DNMT3B: variants seen among roughly 807,000 people sequenced by gnomAD.
DNMT3B encodes DNA methyltransferase 3 beta, also known as DNA (cytosine-5)-methyltransferase 3B.
Under a neutral mutation model 120.2 loss-of-function variants are expected in DNMT3B, and 37 were observed. That is an observed-to-expected ratio of 0.31 (90% CI 0.24 to 0.40). DNMT3B has a LOEUF of 0.40. Among genes scored for constraint, DNMT3B ranks in the 10% least tolerant of loss-of-function variants. The pLI, the probability that DNMT3B is intolerant of heterozygous loss-of-function variation, is 1.00. For synonymous variants in DNMT3B, 412 were observed against 442.8 expected (o/e 0.93, Z 0.87); for missense variants, 878 against 1,137.3 (o/e 0.77, Z 3.28).
In DNMT3B at chr20:32,768,192, ATT is replaced by A. The variant is rs34062797; in HGVS notation, c.-7+5511_-7+5512del. On this transcript the variant is annotated intron_variant, in intron 1 of 22. Transcript: ENST00000328111. The stretch of plus-strand genomic sequence containing the variant: ...GAGCCACCAGGCTTGGCTAATTTTA[ATT>A]TTTTTTTTTTTTTTTTTGGAGATGG... 2.4e-3 allele frequency among the ~76,000 whole-genome samples: 303 copies of A among 128,628 alleles called. 1 individual carries two copies. Among genetic ancestry groups the A allele is most frequent in the African/African-American group, 4.8e-3 (161 of 33,402 alleles). The allele number at this position is 128,628 out of a possible 152,430, so 84.4% of individuals were successfully genotyped here.
chr20:32,799,863 T>C (rs995942783), intron 16 of DNMT3B, among the ~76,000 whole-genome samples: 1 of 152,266 alleles, frequency 6.6e-6, no homozygotes, highest in Non-Finnish European at 1.5e-5. Context: ...TGTTACACTT[T>C]ATTTTTTATG....
At chr20:32,801,589 A>G (rs559620498) in intron 19 of DNMT3B, among the ~76,000 whole-genome samples, 163 bp downstream of exon 19, 11 of 152,186 alleles carry the variant, frequency 7.2e-5, no homozygotes, top group African/African-American at 2.6e-4. Context: ...TAGTACATGG[A>G]AAATATTTTT....
chr20:32,762,550 G>T lies in DNMT3B; in HGVS notation c.-156G>T. On this transcript the variant is annotated 5_prime_UTR_variant, in exon 1 of 23. Coordinates refer to ENST00000328111, the MANE Select transcript of DNMT3B (RefSeq NM_006892.4). ...CAACGCTGCCCGGCCGGCAGCGCTG[G>T]GGTTAAGTGGCCCAAGTAAACCTAG... 1 of 351,888 alleles carries T rather than the reference G, an allele frequency of 2.8e-6. No homozygotes were observed. The highest frequency in any genetic ancestry group is 1.3e-4 in the East Asian group (1 of 7,904). The allele number at this position is 351,888 out of a possible 1,614,324, so 21.8% of individuals were successfully genotyped here.
In DNMT3B at chr20:32,799,286, C is replaced by T. The variant is rs764722946; in HGVS notation, c.1717C>T (p.Arg573Trp). The T allele has an allele frequency of 1.9e-5, 31 of 1,613,378 alleles. No individual in the cohort carries two copies. In the Admixed American group the frequency reaches 3.0e-4, roughly 16 times the overall value. Residue 573 changes from arginine (R) to tryptophan (W), a missense_variant, in exon 16 of 23, where the codon CGG (arginine) becomes TGG (tryptophan). Physicochemically the swap from Arg to Trp is moderately radical, Grantham distance 101. Coordinates refer to ENST00000328111, the MANE Select transcript of DNMT3B (RefSeq NM_006892.4). ...CCCTGCCATTCCCGCAGCCCGAAGG[C>T]GGCCCATTCGAGTCCTGTCATTGTT... The part of the protein sequence containing the change: ...LYPAIPAARR[R>W]PIRVLSLFDG...
intron 1 of DNMT3B, among the ~76,000 whole-genome samples, chr20:32,770,043 TCCCACTGCAGCC>T (rs918782232): frequency 1.3e-5 from 2 of 152,230 alleles, no homozygotes; most frequent in African/African-American, 4.8e-5. Context: ...CCAGCAGTCC[TCCCACTGCAGCC>T]CCCACTGCCC....
At chr20:32,782,517 C>G (rs560285944) in intron 3 of DNMT3B, among the ~76,000 whole-genome samples, 1 of 152,266 alleles carries the variant, frequency 6.6e-6, no homozygotes, top group African/African-American at 2.4e-5. Context: ...CTAATAGAAC[C>G]TACCTTCATA....
chr20:32,805,522 G>T, intron 21 of DNMT3B, 115 bp downstream of exon 21: 1 of 1,172,488 alleles, frequency 8.5e-7, no homozygotes, highest in South Asian at 1.3e-5. Context: ...TGACTTCCTG[G>T]TGTTGGGCTT....
intron 8 of DNMT3B, 51 bp downstream of exon 8, chr20:32,791,759 C>A (rs767108395): frequency 6.3e-7 from 1 of 1,595,748 alleles, no homozygotes; most frequent in South Asian, 1.1e-5. Flanking sequence ...AGGGATGAAG[C>A]AAGAGACCCA....
At chr20:32,773,704 C>T (rs1005748117) in intron 1 of DNMT3B, among the ~76,000 whole-genome samples, 5 of 151,376 alleles carry the variant, frequency 3.3e-5, no homozygotes, top group African/African-American at 9.7e-5. Context: ...CCTCAACTTC[C>T]GAGGCTTAGG....
At chr20:32,795,585 A>G (rs749501189) in intron 11 of DNMT3B, 51 bp downstream of exon 11, 18 of 1,614,098 alleles carry the variant, frequency 1.1e-5, no homozygotes, top group Non-Finnish European at 2.5e-6. Context: ...AGGACGCTGC[A>G]GATCAGGAAT....
At chr20:32,775,031 T>A (rs1042009861) in intron 1 of DNMT3B, among the ~76,000 whole-genome samples, 1 of 152,016 alleles carries the variant, frequency 6.6e-6, no homozygotes, top group Non-Finnish European at 1.5e-5. Context: ...CTAATTTTTT[T>A]ATTTTTAGTA....
chr20:32,791,456 A>G lies in DNMT3B; in HGVS notation c.814-145A>G, dbSNP rs1398911603. 5.1e-6 allele frequency: 4 copies of G among 782,956 alleles called. No homozygotes were observed. In the African/African-American group the frequency reaches 5.2e-5, roughly 10 times the overall value. 48.5% of individuals were successfully genotyped at this position (782,956 alleles called of 1,614,324 possible). ...TGCTTTTTTCTTTCCTTCCTTTCAA[A>G]TAGATGTCTGTGGACTTTATCCCCA... is the stretch of plus-strand genomic sequence containing the variant. On this transcript the variant is annotated intron_variant, in intron 7 of 22. Transcript: ENST00000328111.
chr20:32,778,488 G>A (rs1224265667), intron 1 of DNMT3B, among the ~76,000 whole-genome samples: 1 of 152,212 alleles, frequency 6.6e-6, no homozygotes, highest in African/African-American at 2.4e-5. Flanking sequence ...TGTAGCCTGC[G>A]TGGCTCCTGG....
chr20:32,788,113 T>C (rs1979543781), intron 6 of DNMT3B, among the ~76,000 whole-genome samples: 1 of 152,224 alleles, frequency 6.6e-6, no homozygotes, highest in South Asian at 2.1e-4. Context: ...ATTCTTCAGT[T>C]ACTTCAGGCC....
chr20:32,806,720 C>G (rs138699990), intron 22 of DNMT3B, among the ~76,000 whole-genome samples: 195 of 152,328 alleles, frequency 1.3e-3, no homozygotes, highest in African/African-American at 4.2e-3. Flanking sequence ...TTATCCTCTC[C>G]TTCCCTTTCT....
Position 32,798,460 on chromosome 20 carries a change from G to A in DNMT3B, c.1491G>A (p.Arg497=). The A allele has an allele frequency of 2.5e-6, 4 of 1,614,226 alleles. No individual in the cohort carries two copies. Among genetic ancestry groups the A allele is most frequent in the East Asian group, 4.5e-5 (2 of 44,890 alleles). The part of the protein sequence containing the change: ...LLLCSNTSCC[R]CFCVECLEVL... The stretch of plus-strand genomic sequence containing the variant: ...CCCTTCTCCCTGCCACTGGGTCCAG[G>A]TGTTTCTGTGTGGAGTGCCTGGAGG... The change falls in exon 15 of 23, where the codon CGG becomes CGA. Residue 497 remains arginine (R), a splice_region_variant and synonymous_variant. Transcript: ENST00000328111.
At chr20:32,768,257 G>A (rs990195501) in intron 1 of DNMT3B, among the ~76,000 whole-genome samples, 4 of 147,282 alleles carry the variant, frequency 2.7e-5, no homozygotes, top group African/African-American at 7.7e-5. Flanking sequence ...GTGCAATGGC[G>A]GGATCTCGGC....
chr20:32,806,449 G>T, intron 22 of DNMT3B, 122 bp downstream of exon 22: 1 of 913,938 alleles, frequency 1.1e-6, no homozygotes. Flanking sequence ...CTGGGGCGAG[G>T]AGTAATAATA....
In DNMT3B at chr20:32,807,802, A is replaced by G; in HGVS notation, c.2461A>G (p.Met821Val). 5 of 1,614,146 alleles carry G rather than the reference A, an allele frequency of 3.1e-6. No individual in the cohort carries two copies. Among genetic ancestry groups the G allele is most frequent in the African/African-American group, 2.7e-5 (2 of 75,022 alleles). Reference sequence around the variant, plus strand: ...TGTGCACTACACAGACGTGTCCAACATGGGCCGTGGTGCCCGCCAGAAGCT... The same window carrying G: ...TGTGCACTACACAGACGTGTCCAACGTGGGCCGTGGTGCCCGCCAGAAGCT... The part of the protein sequence containing the change: ...FPVHYTDVSN[M>V]GRGARQKLLG... Residue 821 changes from methionine to valine, a missense_variant, in exon 23 of 23, where the codon ATG becomes GTG. Met to Val is a conservative substitution (Grantham distance 21, BLOSUM62 1). Transcript: ENST00000328111.
Sources: gnomAD v4.1 joint callset for allele counts (sites outside exome capture counted in the v4.1 genomes callset) on GRCh38, gnomAD v4.1.1 for gene constraint, MANE v1.5 for transcripts, NCBI Gene and HGNC (gene_info 2026-07-23, HGNC 2026-07-21) for gene names.